NAALADL2: variants seen among roughly 807,000 people sequenced by gnomAD.
NAALADL2 encodes inactive N-acetylated-alpha-linked acidic dipeptidase-like protein 2.
A neutral mutation model predicts 87.2 loss-of-function variants in NAALADL2; 76 were observed. That is an observed-to-expected ratio of 0.87 (90% CI 0.72 to 1.05). The LOEUF (loss-of-function observed/expected upper bound fraction) is 1.05. NAALADL2 is among the 50% of genes least tolerant of loss of function. The pLI, the probability that NAALADL2 is intolerant of heterozygous loss-of-function variation, is 0.00. For missense variants in NAALADL2, 1,089 were observed against 945.8 expected, an observed-to-expected ratio of 1.15 and a Z score of -1.99; for synonymous variants, 354 against 331.0, an observed-to-expected ratio of 1.07 and a Z score of -0.75.
At chr3:175,378,493 A>G (rs1475118797) in intron 5 of NAALADL2, among the ~76,000 whole-genome samples, 1 of 152,222 alleles carries the variant, frequency 6.6e-6, no homozygotes, top group African/African-American at 2.4e-5. Context: ...GTTCCTTGAT[A>G]GTGATTGTTC....
At chr3:175,240,264 G>C (rs1463650238) in intron 3 of NAALADL2, among the ~76,000 whole-genome samples, 1 of 152,180 alleles carries the variant, frequency 6.6e-6, no homozygotes, top group Non-Finnish European at 1.5e-5. Flanking sequence ...GCTTGTCTTT[G>C]TGTGTAAAAT....
intron 10 of NAALADL2, among the ~76,000 whole-genome samples, chr3:175,579,904 GC>G (rs1412799126): frequency 9.9e-5 from 15 of 152,214 alleles, no homozygotes; most frequent in African/African-American, 3.4e-4. Flanking sequence ...ATCAATCCAT[GC>G]CCTAGCAAGC....
intron 11 of NAALADL2, among the ~76,000 whole-genome samples, chr3:175,647,575 C>T (rs897454696): frequency 6.6e-6 from 1 of 152,084 alleles, no homozygotes; most frequent in African/African-American, 2.4e-5. Flanking sequence ...AGATAGAGGA[C>T]TGGAAACTAC....
intron 1 of NAALADL2, among the ~76,000 whole-genome samples, chr3:174,991,471 A>G (rs977032370): frequency 6.6e-6 from 1 of 151,752 alleles, no homozygotes; most frequent in Non-Finnish European, 1.5e-5. Flanking sequence ...GAGACATTTA[A>G]TTTTTTATTT....
At chr3:174,506,145 T>G (rs889763864) in intron 1 of NAALADL2, among the ~76,000 whole-genome samples, 1 of 152,020 alleles carries the variant, frequency 6.6e-6, no homozygotes, top group African/African-American at 2.4e-5. Flanking sequence ...GCAACTTGCT[T>G]CGTACATCTT....
At chr3:175,284,794 A>G (rs1754780698) in intron 4 of NAALADL2, among the ~76,000 whole-genome samples, 1 of 152,176 alleles carries the variant, frequency 6.6e-6, no homozygotes, top group Non-Finnish European at 1.5e-5. Context: ...GTATTTGAGA[A>G]CAAAGGTATC....
intron 2 of NAALADL2, among the ~76,000 whole-genome samples, chr3:175,181,095 C>T (rs1385550974): frequency 6.6e-6 from 1 of 151,948 alleles, no homozygotes; most frequent in African/African-American, 2.4e-5. Flanking sequence ...ATTTTTAAGA[C>T]CTTTGTCTGT....
intron 5 of NAALADL2, among the ~76,000 whole-genome samples, chr3:175,336,320 G>A (rs1168010806): frequency 6.6e-6 from 1 of 152,148 alleles, no homozygotes; most frequent in Non-Finnish European, 1.5e-5. Context: ...ACTACAGTCT[G>A]TAAAATCTCC....
At chr3:174,814,868 A>G (rs9830320) in intron 3 of NAALADL2, among the ~76,000 whole-genome samples, 43,127 of 152,002 alleles carry the variant, frequency 0.28, 6,440 homozygotes, top group East Asian at 0.44. Context: ...TATGTTACTC[A>G]CACAGAAGTA....
chr3:174,754,466 CTTT>C (rs11285494), intron 3 of NAALADL2, among the ~76,000 whole-genome samples: 8 of 125,472 alleles, frequency 6.4e-5, no homozygotes, highest in African/African-American at 8.8e-5. Flanking sequence ...ACAGAGCTAT[CTTT>C]TTTTTTTTTT....
At chr3:175,638,520 T>C (rs141785019) in intron 11 of NAALADL2, among the ~76,000 whole-genome samples, 53 of 152,264 alleles carry the variant, frequency 3.5e-4, no homozygotes, top group African/African-American at 1.1e-3. Context: ...ATTCAGAAAA[T>C]ATGGTCACAG....
intron 9 of NAALADL2, among the ~76,000 whole-genome samples, chr3:175,472,215 T>A (rs1725013292): frequency 6.6e-6 from 1 of 151,884 alleles, no homozygotes; most frequent in Non-Finnish European, 1.5e-5. Flanking sequence ...ATTTAAAAGA[T>A]TTAGAAAATA....
intron 1 of NAALADL2, among the ~76,000 whole-genome samples, chr3:174,903,602 T>G (rs1732563620): frequency 6.6e-6 from 1 of 151,996 alleles, no homozygotes; most frequent in African/African-American, 2.4e-5. Flanking sequence ...TTAAGTTACA[T>G]AATTACAATA....
intron 2 of NAALADL2, among the ~76,000 whole-genome samples, chr3:175,125,471 C>T (rs1276046728): frequency 6.6e-6 from 1 of 151,898 alleles, no homozygotes; most frequent in Non-Finnish European, 1.5e-5. Flanking sequence ...TGGCTTGTAC[C>T]AGGATGGTAT....
At chr3:175,131,228 T>C (rs1727801643) in intron 2 of NAALADL2, among the ~76,000 whole-genome samples, 1 of 150,460 alleles carries the variant, frequency 6.6e-6, no homozygotes, top group Admixed American at 6.7e-5. Flanking sequence ...CATAGGACAA[T>C]AGTGGAGGGA....
chr3:174,987,798 A>ATATATATATATATT (rs1560446396), intron 1 of NAALADL2, among the ~76,000 whole-genome samples: 1 of 133,348 alleles, frequency 7.5e-6, no homozygotes, highest in Admixed American at 7.2e-5. Context: ...GGTTAATTAT[A>ATATATATATATATT]TATATATATA....
chr3:174,882,637 A>ATATATGTG (rs1729440868), intron 1 of NAALADL2, among the ~76,000 whole-genome samples: 4 of 78,262 alleles, frequency 5.1e-5, no homozygotes, highest in African/African-American at 2.8e-4. Flanking sequence ...GTGCATATAC[A>ATATATGTG]CATATGTGCA....
At chr3:174,588,309 T>G (rs1716953206) in intron 2 of NAALADL2, among the ~76,000 whole-genome samples, 1 of 152,186 alleles carries the variant, frequency 6.6e-6, no homozygotes, top group Non-Finnish European at 1.5e-5. Context: ...TGTGATGGGT[T>G]CGAACATCCT....
intron 1 of NAALADL2, among the ~76,000 whole-genome samples, chr3:174,907,992 A>C (rs1733171147): frequency 6.7e-6 from 1 of 149,008 alleles, no homozygotes; most frequent in Non-Finnish European, 1.5e-5. Flanking sequence ...TATTTATATC[A>C]ATTATCTCTT....
Sources: allele counts gnomAD v4.1 joint callset (sites outside exome capture counted in the v4.1 genomes callset), GRCh38; gene constraint gnomAD v4.1.1; transcripts MANE v1.5; gene names NCBI Gene and HGNC (gene_info 2026-07-23, HGNC 2026-07-21).